The following ENOPH1 variants were observed in gnomAD, a reference collection of about 807,000 sequenced individuals.
ENOPH1 encodes enolase-phosphatase 1, also known as enolase-phosphatase E1.
ENOPH1 carries 14 observed loss-of-function variants against 31.1 expected under a neutral mutation model. The observed-to-expected ratio is 0.45, with a 90% CI of 0.30 to 0.70. The LOEUF (loss-of-function observed/expected upper bound fraction) is 0.70, where lower values mean the gene tolerates loss of function less well. Ranked by LOEUF, ENOPH1 falls within the 30% of genes least tolerant of loss-of-function variation. The pLI is 0.09. For synonymous variants in ENOPH1, 127 were observed against 123.2 expected (o/e 1.03, Z -0.21); for missense variants, 243 against 321.5 (o/e 0.76, Z 1.87).
rs569797397 is a variant in ENOPH1 at position 82,434,336 on chromosome 4, C to T, written c.84+3423C>T. On this transcript the variant is annotated intron_variant, in intron 1 of 5. Coordinates refer to ENST00000273920, the MANE Select transcript of ENOPH1 (RefSeq NM_021204.5). ...CGGTGGCTCAGGCATGTAATCCCAG[C>T]ACTTTGGGACGCCGAAGCAGGTGGA... 3.3e-5 allele frequency among the ~76,000 whole-genome samples: 5 copies of T among 152,170 alleles called. No individual in the cohort carries two copies. The South Asian group carries it at 1.0e-3, about 32-fold the overall frequency.
chr4:82,452,626 G>T (rs1423290988), intron 3 of ENOPH1, among the ~76,000 whole-genome samples: 1 of 151,978 alleles, frequency 6.6e-6, no homozygotes, highest in Non-Finnish European at 1.5e-5. Context: ...TCACTCTGTT[G>T]TCCAGGATGG....
chr4:82,448,043 A>G, intron 2 of ENOPH1, 22 bp downstream of exon 2: 2 of 1,520,168 alleles, frequency 1.3e-6, no homozygotes, highest in South Asian at 1.1e-5. Context: ...TCTGTCTTAA[A>G]TTCCCAAGTG....
Position 82,460,068 on chromosome 4 carries a change from A to C in ENOPH1, c.734A>C (p.Tyr245Ser). The C allele has an allele frequency of 1.2e-6, 2 of 1,614,180 alleles. No individual in the cohort carries two copies. The highest frequency in any genetic ancestry group is 1.7e-6 in the Non-Finnish European group (2 of 1,180,008). The change falls in exon 6 of 6, where the codon TAC (tyrosine) becomes TCC (serine). Residue 245 changes from tyrosine (Y) to serine (S), a missense_variant. Physicochemically the swap from Tyr to Ser is moderately radical, Grantham distance 144 (BLOSUM62 -2). Coordinates refer to ENST00000273920, the MANE Select transcript of ENOPH1 (RefSeq NM_021204.5). The part of the protein sequence containing the change: ...NAGLTDDEKT[Y>S]YSLITSFSEL... ...GGATTAACAGATGATGAGAAGACTT[A>C]CTACAGCCTCATCACATCCTTCAGT...
At position 82,433,682 on chromosome 4, in the gene ENOPH1, A is replaced by G. The variant is rs551010677; in HGVS notation, c.84+2769A>G. Reference sequence around the variant, plus strand: ...GGAAATGCTAGTTAGAATGAGTTCAAATAGATTTCTTTATTGCAAGACTTC... The same window carrying G: ...GGAAATGCTAGTTAGAATGAGTTCAGATAGATTTCTTTATTGCAAGACTTC... On this transcript the variant is annotated intron_variant, in intron 1 of 5. Transcript: ENST00000273920. Among the ~76,000 whole-genome samples, 51 of 152,354 alleles carry G rather than the reference A, an allele frequency of 3.3e-4. No homozygotes were observed. The South Asian group carries it at 5.8e-3, about 17-fold the overall frequency.
In ENOPH1 at chr4:82,430,758, C is replaced by A; in HGVS notation, c.-72C>A. 1.4e-6 allele frequency: 2 copies of A among 1,459,704 alleles called. No individual in the cohort carries two copies. Among genetic ancestry groups the A allele is most frequent in the Non-Finnish European group, 1.9e-6 (2 of 1,044,392 alleles). The allele number at this position is 1,459,704 out of a possible 1,614,324, so 90.4% of individuals were successfully genotyped here. On this transcript the variant is annotated 5_prime_UTR_variant, in exon 1 of 6. Coordinates refer to ENST00000273920, the MANE Select transcript of ENOPH1 (RefSeq NM_021204.5). ...CGGAAGCCCAAGACGGTACCGGGGG[C>A]CGCAGCCGCAGCCGGCGCCGCCCTC...
chr4:82,435,521 T>A (rs888746460), intron 1 of ENOPH1, among the ~76,000 whole-genome samples: 3 of 152,368 alleles, frequency 2.0e-5, no homozygotes, highest in Admixed American at 6.5e-5. Flanking sequence ...TGTCCTCTTA[T>A]AATGTATTTT....
At chr4:82,438,764 A>C (rs1434072673) in intron 1 of ENOPH1, among the ~76,000 whole-genome samples, 4 of 152,216 alleles carry the variant, frequency 2.6e-5, no homozygotes, top group African/African-American at 9.6e-5. Context: ...AGACTTTTAA[A>C]ATGATACCCT....
intron 2 of ENOPH1, 145 bp from the exon 3 acceptor site, chr4:82,450,898 G>C: frequency 1.6e-6 from 1 of 620,390 alleles, no homozygotes; most frequent in Non-Finnish European, 2.8e-6. Context: ...ATTTGTATCA[G>C]CTCCAAAGTA....
rs1484422738 is a variant in ENOPH1 at position 82,460,684 on chromosome 4, A to G, written c.*564A>G. ...AACTCACTTGAGTCTTGATCAAACAAGTGTCTTTTACTTAAGAAGAAACTT... is the reference window on the plus strand; with the variant it reads ...AACTCACTTGAGTCTTGATCAAACAGGTGTCTTTTACTTAAGAAGAAACTT... On this transcript the variant is annotated 3_prime_UTR_variant, in exon 6 of 6. Coordinates refer to ENST00000273920, the MANE Select transcript of ENOPH1 (RefSeq NM_021204.5). The G allele has an allele frequency of 6.6e-6, 1 of 152,284 alleles. No homozygotes were observed. The highest frequency in any genetic ancestry group is 6.5e-5 in the Admixed American group (1 of 15,286). The allele number at this position is 152,284 out of a possible 1,614,324, so 9.4% of individuals were successfully genotyped here.
chr4:82,445,249 T>G (rs1722147021), intron 1 of ENOPH1, among the ~76,000 whole-genome samples: 1 of 152,106 alleles, frequency 6.6e-6, no homozygotes, highest in Admixed American at 6.6e-5. Flanking sequence ...AAAAAAATTC[T>G]TATAATGTAT....
intron 2 of ENOPH1, among the ~76,000 whole-genome samples, chr4:82,448,385 C>T (rs570147180): frequency 3.6e-4 from 54 of 151,736 alleles, no homozygotes; most frequent in African/African-American, 9.4e-4. Flanking sequence ...CTCAGCCTCC[C>T]GAGTAGCTGG....
intron 5 of ENOPH1, among the ~76,000 whole-genome samples, chr4:82,458,722 GT>G (rs892741394): frequency 6.6e-6 from 1 of 152,212 alleles, no homozygotes; most frequent in African/African-American, 2.4e-5. Flanking sequence ...CGGGTTGCCA[GT>G]CACGATGAAA....
intron 2 of ENOPH1, among the ~76,000 whole-genome samples, chr4:82,449,852 T>C (rs1279523340): frequency 6.6e-6 from 1 of 152,130 alleles, no homozygotes; most frequent in Non-Finnish European, 1.5e-5. Flanking sequence ...CCCAGCTCAC[T>C]CTGGCCCAGC....
rs370912328 is a variant in ENOPH1, at chr4:82,445,985, C to T, written c.85-1935C>T. 2.9e-4 allele frequency among the ~76,000 whole-genome samples: 44 copies of T among 152,282 alleles called. 1 individual carries two copies. In the South Asian group the frequency reaches 8.5e-3, roughly 29 times the overall value. On this transcript the variant is annotated intron_variant, in intron 1 of 5. Coordinates refer to ENST00000273920, the MANE Select transcript of ENOPH1 (RefSeq NM_021204.5). ...GTGGCTTCATAACTCCAGTGTCCTG[C>T]TCTCTGTAGGCTCTCAGGAAAGTTG...
intron 5 of ENOPH1, 33 bp from the exon 6 acceptor site, chr4:82,459,948 T>A: frequency 6.2e-7 from 1 of 1,609,764 alleles, no homozygotes; most frequent in Non-Finnish European, 8.5e-7. Context: ...TTTTGGTGTT[T>A]CTGACACACA....
intron 1 of ENOPH1, among the ~76,000 whole-genome samples, chr4:82,440,430 G>C (rs189878108): frequency 6.6e-4 from 101 of 152,298 alleles, no homozygotes; most frequent in Middle Eastern, 3.4e-3. Flanking sequence ...GGATTTGATA[G>C]GCCTGGGTTT....
intron 1 of ENOPH1, among the ~76,000 whole-genome samples, chr4:82,439,254 CCTT>C (rs1553902009): frequency 6.6e-5 from 10 of 152,186 alleles, no homozygotes; most frequent in Non-Finnish European, 1.5e-5. Context: ...CATGATGTGA[CCTT>C]CTAACAAGTT....
intron 1 of ENOPH1, among the ~76,000 whole-genome samples, chr4:82,440,164 A>G (rs978847288): frequency 9.9e-5 from 15 of 152,252 alleles, no homozygotes; most frequent in African/African-American, 3.6e-4. Context: ...GTAAGTGCTC[A>G]GTAAATGTTG....
chr4:82,434,946 A>G (rs1328017272), intron 1 of ENOPH1, among the ~76,000 whole-genome samples: 2 of 152,042 alleles, frequency 1.3e-5, no homozygotes, highest in South Asian at 2.1e-4. Flanking sequence ...TTCAGTTTAT[A>G]GCATGTCTTT....
Sources: allele counts gnomAD v4.1 joint callset (sites outside exome capture counted in the v4.1 genomes callset), GRCh38; gene constraint gnomAD v4.1.1; transcripts MANE v1.5; gene names NCBI Gene and HGNC (gene_info 2026-07-23, HGNC 2026-07-21).